NUBPL: variants seen among roughly 807,000 people sequenced by gnomAD.
NUBPL encodes the protein iron-sulfur cluster transfer protein NUBPL.
Under a neutral mutation model 45.7 loss-of-function variants are expected in NUBPL, and 31 were observed. The observed-to-expected ratio is 0.68, with a 90% CI of 0.51 to 0.92. NUBPL has a LOEUF of 0.92. Among genes scored for constraint, NUBPL ranks in the 40% least tolerant of loss-of-function variants. The pLI, the probability that NUBPL is intolerant of heterozygous loss-of-function variation, is 0.00. For synonymous variants in NUBPL, 144 were observed against 140.9 expected (o/e 1.02, Z -0.15); for missense variants, 401 against 398.7 (o/e 1.01, Z -0.05).
chr14:31,698,713 T>A (rs1450426558), intron 6 of NUBPL, among the ~76,000 whole-genome samples: 1 of 152,194 alleles, frequency 6.6e-6, no homozygotes, highest in Non-Finnish European at 1.5e-5. Context: ...CAGTGCTATG[T>A]GATCATTCAT....
chr14:31,750,414 G>C (rs1205080951), intron 6 of NUBPL, among the ~76,000 whole-genome samples: 1 of 149,176 alleles, frequency 6.7e-6, no homozygotes, highest in Non-Finnish European at 1.5e-5. Flanking sequence ...TTTCACCGTG[G>C]TCTCGATCTC....
chr14:31,736,847 T>G (rs769003250), intron 6 of NUBPL, among the ~76,000 whole-genome samples: 2 of 152,200 alleles, frequency 1.3e-5, no homozygotes, highest in Non-Finnish European at 2.9e-5. Context: ...TTGTTCTACA[T>G]CCTTATTAAC....
intron 7 of NUBPL, among the ~76,000 whole-genome samples, chr14:31,805,935 T>G (rs888921817): frequency 6.6e-6 from 1 of 152,170 alleles, no homozygotes; most frequent in African/African-American, 2.4e-5. Flanking sequence ...GGGGGGCATT[T>G]CCTTCATGAT....
intron 6 of NUBPL, among the ~76,000 whole-genome samples, chr14:31,758,694 A>G (rs1188526921): frequency 3.9e-5 from 6 of 152,210 alleles, no homozygotes. Flanking sequence ...AAATGCATAG[A>G]AGAGATGAGA....
intron 6 of NUBPL, among the ~76,000 whole-genome samples, chr14:31,678,853 A>G (rs1179760864): frequency 6.6e-6 from 1 of 152,142 alleles, no homozygotes; most frequent in African/African-American, 2.4e-5. Flanking sequence ...GCTCAGCTCT[A>G]GGACTCGCCT....
intron 6 of NUBPL, among the ~76,000 whole-genome samples, chr14:31,686,317 C>A (rs2036951903): frequency 6.6e-6 from 1 of 151,978 alleles, no homozygotes; most frequent in African/African-American, 2.4e-5. Flanking sequence ...GACAGGTAGT[C>A]AAGAGGGATC....
chr14:31,761,097 G>A (rs1319959970), intron 6 of NUBPL, among the ~76,000 whole-genome samples: 2 of 152,178 alleles, frequency 1.3e-5, no homozygotes, highest in African/African-American at 4.8e-5. Context: ...TAAAAGAGGT[G>A]TGTGAAAAAT....
At chr14:31,792,134 G>A (rs1361135869) in intron 7 of NUBPL, among the ~76,000 whole-genome samples, 3 of 152,194 alleles carry the variant, frequency 2.0e-5, no homozygotes, top group Admixed American at 1.3e-4. Flanking sequence ...CTGGCCTAAT[G>A]TAAAACCCAA....
At chr14:31,623,157 G>A (rs61995630) in intron 4 of NUBPL, among the ~76,000 whole-genome samples, 6,219 of 152,334 alleles carry the variant, frequency 0.041, 192 homozygotes, top group Non-Finnish European at 0.06. Context: ...TGCCCTACTG[G>A]ATTTTGGACT....
intron 4 of NUBPL, among the ~76,000 whole-genome samples, chr14:31,614,098 T>G (rs1040094715): frequency 6.6e-6 from 1 of 152,182 alleles, no homozygotes; most frequent in Non-Finnish European, 1.5e-5. Flanking sequence ...GGGGGATATG[T>G]AATGCTGGTC....
At chr14:31,644,406 A>AC (rs1316170276) in intron 4 of NUBPL, among the ~76,000 whole-genome samples, 1 of 151,728 alleles carries the variant, frequency 6.6e-6, no homozygotes, top group African/African-American at 2.4e-5. Context: ...TTCTTCATTG[A>AC]CCCATTGGTC....
chr14:31,643,680 A>G (rs1455170861), intron 4 of NUBPL, among the ~76,000 whole-genome samples: 1 of 151,994 alleles, frequency 6.6e-6, no homozygotes, highest in African/African-American at 2.4e-5. Flanking sequence ...GTTTGGAAGT[A>G]TTCCCTCTTA....
At chr14:31,575,417 T>A (rs190466811) in intron 3 of NUBPL, among the ~76,000 whole-genome samples, 11 of 152,366 alleles carry the variant, frequency 7.2e-5, no homozygotes, top group Non-Finnish European at 1.3e-4. Context: ...GACTTTTGCC[T>A]GTACCTACCT....
intron 8 of NUBPL, chr14:31,843,715 T>C (rs1160778664): frequency 6.6e-6 from 1 of 152,226 alleles, no homozygotes; most frequent in Non-Finnish European, 1.5e-5. Flanking sequence ...ATGTTTTTCT[T>C]CCCTTTTCCT....
intron 4 of NUBPL, among the ~76,000 whole-genome samples, chr14:31,639,966 C>T (rs1484223894): frequency 5.3e-5 from 8 of 152,114 alleles, no homozygotes; most frequent in East Asian, 3.9e-4. Flanking sequence ...GGGAGTGACC[C>T]GATTTTCCAG....
chr14:31,813,436 TATACAC>T (rs1447636961), intron 7 of NUBPL, among the ~76,000 whole-genome samples: 2 of 67,460 alleles, frequency 3.0e-5, no homozygotes, highest in Non-Finnish European at 5.7e-5. Context: ...TCTTTTTTGC[TATACAC>T]ACACACACAC....
Sources: gnomAD v4.1 joint callset for allele counts (sites outside exome capture counted in the v4.1 genomes callset) on GRCh38, gnomAD v4.1.1 for gene constraint, MANE v1.5 for transcripts, NCBI Gene and HGNC (gene_info 2026-07-23, HGNC 2026-07-21) for gene names.